SPPL2B: variants seen among roughly 807,000 people sequenced by gnomAD.
The protein encoded by SPPL2B is signal peptide peptidase like 2B.
SPPL2B carries 39 observed loss-of-function variants against 59.7 expected under a neutral mutation model. The observed-to-expected ratio is 0.65, with a 90% CI of 0.51 to 0.85. The LOEUF (loss-of-function observed/expected upper bound fraction) is 0.85, where lower values mean the gene tolerates loss of function less well. Among genes scored for constraint, SPPL2B ranks in the 40% least tolerant of loss-of-function variants. The pLI, the probability that SPPL2B is intolerant of heterozygous loss-of-function variation, is 0.00. For synonymous variants in SPPL2B, 419 were observed against 370.8 expected (o/e 1.13, Z -1.49); for missense variants, 865 against 849.0 (o/e 1.02, Z -0.23).
intron 14 of SPPL2B, among the ~76,000 whole-genome samples, chr19:2,351,834 G>T (rs537652204): frequency 1.3e-5 from 2 of 149,836 alleles, no homozygotes; most frequent in Non-Finnish European, 3.0e-5. Flanking sequence ...CGGGTGGGAC[G>T]CGGGGGTGCC....
chr19:2,331,327 C>T lies in SPPL2B; in HGVS notation c.66+2552C>T, dbSNP rs191389816. On this transcript the variant is annotated intron_variant, in intron 1 of 14. Coordinates refer to ENST00000613503, the MANE Select transcript of SPPL2B (RefSeq NM_152988.3). The stretch of plus-strand genomic sequence containing the variant: ...GCCTAGTAGTTTCTGAACCTGTGTG[C>T]GGTTGCAAAGCGTTTGTGCTGCAAT... Among the ~76,000 whole-genome samples the T allele has an allele frequency of 8.5e-5, 13 of 152,296 alleles. No homozygotes were observed. In the East Asian group the frequency reaches 1.7e-3, roughly 20 times the overall value.
At position 2,353,194 on chromosome 19, in the gene SPPL2B, T is replaced by A. The variant is rs772707879; in HGVS notation, c.1764T>A (p.Pro588=). The A allele has an allele frequency of 6.2e-7, 1 of 1,602,496 alleles. No homozygotes were observed. The highest frequency in any genetic ancestry group is 1.1e-5 in the South Asian group (1 of 90,736). Residue 588 remains proline (P), a synonymous_variant, in exon 15 of 15, where the codon CCT becomes CCA. Transcript: ENST00000613503. ...DQAQPSPVTQ[P]GASA is the part of the protein sequence containing the mutation. Reference sequence around the variant, plus strand: ...CCCAGCCGTCCCCGGTAACCCAGCCTGGCGCCTCGGCCTAGGGGAGGGGTG... The same window carrying A: ...CCCAGCCGTCCCCGGTAACCCAGCCAGGCGCCTCGGCCTAGGGGAGGGGTG...
intron 8 of SPPL2B, 177 bp from the exon 9 acceptor site, chr19:2,343,034 G>T: frequency 1.6e-6 from 1 of 610,690 alleles, no homozygotes; most frequent in East Asian, 2.8e-5. Context: ...TGCTGGAGTT[G>T]TAACAGCAGG....
At position 2,332,808 on chromosome 19, in the gene SPPL2B, C is replaced by T. The variant is rs891100425; in HGVS notation, c.67-1794C>T. Among the ~76,000 whole-genome samples, 2 of 152,170 alleles carry T rather than the reference C, an allele frequency of 1.3e-5. No individual in the cohort carries two copies. Among genetic ancestry groups the T allele is most frequent in the African/African-American group, 4.8e-5 (2 of 41,436 alleles). ...GAGGGTCTGCAGTGTGGCACAGCAGCTGGGACCTGGGCCCCATCGCTGTGA... is the reference window on the plus strand; with the variant it reads ...GAGGGTCTGCAGTGTGGCACAGCAGTTGGGACCTGGGCCCCATCGCTGTGA... On this transcript the variant is annotated intron_variant, in intron 1 of 14. Coordinates refer to ENST00000613503, the MANE Select transcript of SPPL2B (RefSeq NM_152988.3). The surrounding 1 kb of genome is among the most constrained non-coding windows in gnomAD (Gnocchi z 4.6).
Position 2,338,759 on chromosome 19 carries a change from C to T in SPPL2B, c.377C>T (p.Pro126Leu), listed in dbSNP as rs1235234532. 3 of 1,611,212 alleles carry T rather than the reference C, an allele frequency of 1.9e-6. No homozygotes were observed. The highest frequency in any genetic ancestry group is 1.7e-4 in the Middle Eastern group (1 of 6,056). The change falls in exon 4 of 15, where the codon CCG (proline) becomes CTG (leucine). Residue 126 changes from proline (P) to leucine (L), a missense_variant. Pro to Leu is a moderately conservative substitution (Grantham distance 98, BLOSUM62 -3). Coordinates refer to ENST00000613503, the MANE Select transcript of SPPL2B (RefSeq NM_152988.3). Reference protein sequence around the residue: ...LIVSRERLVPPGGNKTQYDEI... With the variant: ...LIVSRERLVPLGGNKTQYDEI... Reference sequence around the variant, plus strand: ...CCTCCTCTGGGCCCCCAGGTCCCCCCGGGGGGTAATAAGACGCAGTATGAT... The same window carrying T: ...CCTCCTCTGGGCCCCCAGGTCCCCCTGGGGGGTAATAAGACGCAGTATGAT...
Position 2,328,743 on chromosome 19 carries a change from CT to C in SPPL2B, c.38del (p.Leu13TrpfsTer92). On this transcript the variant is annotated frameshift_variant, in exon 1 of 15. Coordinates refer to ENST00000613503, the MANE Select transcript of SPPL2B (RefSeq NM_152988.3). LOFTEE classifies it high-confidence loss of function. ...AAAVAAALAR[L>X]LAAFLLLAAQ... ...AGCGGTGGCGGCTGCGCTGGCGCGG[CT>C]TTTGGCGGCCTTTCTGCTCCTCGCG... 4.1e-6 allele frequency: 6 copies of C among 1,462,580 alleles called. No homozygotes were observed. Among genetic ancestry groups the C allele is most frequent in the Admixed American group, 2.6e-5 (1 of 38,754 alleles). The allele number at this position is 1,462,580 out of a possible 1,614,324, so 90.6% of individuals were successfully genotyped here.
At position 2,337,492 on chromosome 19, in the gene SPPL2B, C is replaced by G; in HGVS notation, c.236C>G (p.Ala79Gly). ...NWTASLLCSAADLPARGFSNQ... is the reference protein window; with the variant it reads ...NWTASLLCSAGDLPARGFSNQ... The stretch of plus-strand genomic sequence containing the variant: ...ACGGCCTCCCTGCTCTGCTCCGCAG[C>G]CGACCTCCCCGCCCGTGGCTTCAGC... Residue 79 changes from alanine (A) to glycine (G), a missense_variant, in exon 3 of 15, where the codon GCC (alanine) becomes GGC (glycine). Physicochemically the swap from Ala to Gly is moderately conservative, Grantham distance 60. Coordinates refer to ENST00000613503, the MANE Select transcript of SPPL2B (RefSeq NM_152988.3). 6.2e-7 allele frequency: 1 copy of G among 1,613,014 alleles called. No homozygotes were observed.
At chr19:2,343,846 A>G (rs8106153) in intron 9 of SPPL2B, 119 bp from the exon 10 acceptor site, 692,144 of 713,412 alleles carry the variant, frequency 0.97, 335,874 homozygotes, top group East Asian at 1. Context: ...GGCACTGGGC[A>G]CGCTCTGCTC....
Position 2,332,578 on chromosome 19 carries a change from G to A in SPPL2B, c.67-2024G>A, listed in dbSNP as rs1937682515. On this transcript the variant is annotated intron_variant, in intron 1 of 14. Coordinates refer to ENST00000613503, the MANE Select transcript of SPPL2B (RefSeq NM_152988.3). The surrounding 1 kb of genome is among the most constrained non-coding windows in gnomAD (Gnocchi z 4.6). The stretch of plus-strand genomic sequence containing the variant: ...TGTTTGTTTCCGTGACAGGTCCCCT[G>A]GGGACCAGGGGGTGCGGCTGTCTCT... Among the ~76,000 whole-genome samples the A allele has an allele frequency of 6.6e-6, 1 of 152,208 alleles. No homozygotes were observed. The highest frequency in any genetic ancestry group is 2.1e-4 in the South Asian group (1 of 4,832).
intron 1 of SPPL2B, chr19:2,330,230 C>G (rs1263631828): frequency 6.6e-6 from 1 of 151,650 alleles, no homozygotes; most frequent in Non-Finnish European, 1.5e-5. Context: ...ACCTCAGCCT[C>G]CCGAATAGCT....
intron 5 of SPPL2B, 101 bp from the exon 6 acceptor site, chr19:2,339,723 T>TC: frequency 7.1e-7 from 1 of 1,407,842 alleles, no homozygotes; most frequent in Non-Finnish European, 9.7e-7. Flanking sequence ...CCCCTCCTGC[T>TC]CCCGGGTTTT....
intron 8 of SPPL2B, chr19:2,341,388 G>GTGGGCACCAGGGCACCCGGTCC (rs1185581661): frequency 2.1e-6 from 1 of 477,744 alleles, no homozygotes; most frequent in Non-Finnish European, 4.1e-6. Context: ...GGCCCAGGGT[G>GTGGGCACCAGGGCACCCGGTCC]TGGGCACCAG....
At chr19:2,333,527 A>G (rs1159511933) in intron 1 of SPPL2B, among the ~76,000 whole-genome samples, 1 of 152,270 alleles carries the variant, frequency 6.6e-6, no homozygotes. Flanking sequence ...TAAATTGAAG[A>G]GGTGGGGGTC....
rs200927824 is a variant in SPPL2B, at chr19:2,345,234, C to T, written c.1277-19C>T. ...GGCTCTGCGGGCCCGAGTAAGCCTC[C>T]GCCCTGTGCCTCCCCCAGGGCTGCT... On this transcript the variant is annotated intron_variant, in intron 12 of 14. Transcript: ENST00000613503. The T allele has an allele frequency of 5.0e-4, 802 of 1,610,626 alleles. 4 individuals carry two copies. The African/African-American group carries it at 7.1e-3, about 14-fold the overall frequency.
chr19:2,335,542 G>A (rs1340777604), intron 2 of SPPL2B, among the ~76,000 whole-genome samples: 2 of 142,840 alleles, frequency 1.4e-5, no homozygotes, highest in Admixed American at 1.4e-4. Flanking sequence ...CATCCCTCAG[G>A]CCCTGCCTCC....
intron 13 of SPPL2B, among the ~76,000 whole-genome samples, chr19:2,346,895 G>A (rs1157438987): frequency 2.0e-5 from 3 of 152,196 alleles, no homozygotes; most frequent in Admixed American, 6.5e-5. Flanking sequence ...GTGGCATGGC[G>A]TCAGAAATAC....
At chr19:2,352,543 C>T (rs770620898) in intron 14 of SPPL2B, among the ~76,000 whole-genome samples, 1 of 152,156 alleles carries the variant, frequency 6.6e-6, no homozygotes, top group Non-Finnish European at 1.5e-5. Flanking sequence ...ACAGATGGGA[C>T]CATGGCCTGA....
At chr19:2,341,864 A>G in intron 8 of SPPL2B, 1 of 310,688 alleles carries the variant, frequency 3.2e-6, no homozygotes, top group South Asian at 2.6e-5. Flanking sequence ...TTGGTAGGCC[A>G]AGGCAGGACG....
intron 13 of SPPL2B, 82 bp downstream of exon 13, chr19:2,345,412 TAACCCC>T (rs1265357260): frequency 2.9e-5 from 34 of 1,188,446 alleles, no homozygotes; most frequent in South Asian, 3.7e-5. Context: ...CCCTGACCCC[TAACCCC>T]AACCCCAACC....
Sources: allele counts gnomAD v4.1 joint callset (sites outside exome capture counted in the v4.1 genomes callset), GRCh38; gene constraint gnomAD v4.1.1; non-coding constraint Gnocchi (gnomAD v3.1); transcripts MANE v1.5; gene names NCBI Gene and HGNC (gene_info 2026-07-23, HGNC 2026-07-21).